TNIK: variants seen among roughly 807,000 people sequenced by gnomAD.
TNIK encodes the protein TRAF2 and NCK interacting kinase, also known as TRAF2 and NCK-interacting protein kinase.
TNIK carries 49 observed loss-of-function variants against 191.3 expected under a neutral mutation model. The ratio of observed to expected loss-of-function variants is 0.26; its 90% CI spans 0.20 to 0.32. The LOEUF is 0.32. TNIK is among the 10% of genes least tolerant of loss of function. The pLI is 1.00. For missense variants in TNIK, 1,155 were observed against 1,702.3 expected (o/e 0.68, Z 5.66); for synonymous variants, 594 against 600.9 (o/e 0.99, Z 0.17).
chr3:171,122,209 G>A lies in TNIK; in HGVS notation c.2120+1387C>T, dbSNP rs186181828. ...AATACTTAAAGTTGAAATAATACTTGATCTAAAGAAACTAAAATTCTAAGC... is the reference window on the plus strand; with the variant it reads ...AATACTTAAAGTTGAAATAATACTTAATCTAAAGAAACTAAAATTCTAAGC... On this transcript the variant is annotated intron_variant, in intron 18 of 32. Transcript: ENST00000436636. Among the ~76,000 whole-genome samples the A allele has an allele frequency of 2.2e-4, 33 of 152,294 alleles. No homozygotes were observed. The East Asian group carries it at 6.2e-3, about 28-fold the overall frequency.
At chr3:171,137,641 AG>A (rs897227922) in intron 15 of TNIK, among the ~76,000 whole-genome samples, 43 of 152,220 alleles carry the variant, frequency 2.8e-4, no homozygotes, top group Admixed American at 2.6e-3. Context: ...AAGCAAATGA[AG>A]GAAGTATGTG....
At chr3:171,139,376 G>GCACACACACACA (rs1271020696) in intron 14 of TNIK, 94 bp downstream of exon 14, 35 of 532,056 alleles carry the variant, frequency 6.6e-5, no homozygotes, top group Admixed American at 1.3e-4. Context: ...ACACGCACGC[G>GCACACACACACA]CGCACACACA....
chr3:171,325,140 A>T (rs955048580), intron 2 of TNIK, among the ~76,000 whole-genome samples: 37 of 151,946 alleles, frequency 2.4e-4, no homozygotes, highest in Non-Finnish European at 8.8e-5. Context: ...AAAGAGAAGA[A>T]CTCAGATTGG....
At chr3:171,235,768 T>TG (rs11325665) in intron 2 of TNIK, among the ~76,000 whole-genome samples, 7,027 of 146,216 alleles carry the variant, frequency 0.048, 467 homozygotes, top group African/African-American at 0.16. Context: ...TTTGTTTTGG[T>TG]GGGGGGGGGG....
intron 23 of TNIK, among the ~76,000 whole-genome samples, chr3:171,092,583 A>G (rs1722211644): frequency 6.6e-6 from 1 of 152,228 alleles, no homozygotes; most frequent in Non-Finnish European, 1.5e-5. Flanking sequence ...ACACAATGTC[A>G]ATTTCAGCAG....
At chr3:171,334,873 TTC>T (rs978604977) in intron 2 of TNIK, among the ~76,000 whole-genome samples, 5 of 91,902 alleles carry the variant, frequency 5.4e-5, no homozygotes, top group African/African-American at 1.8e-4. Context: ...CTTTATAAGT[TTC>T]TTTTTTTTTT....
At chr3:171,293,717 TTTTA>T (rs1207893847) in intron 2 of TNIK, among the ~76,000 whole-genome samples, 2 of 152,226 alleles carry the variant, frequency 1.3e-5, no homozygotes, top group Non-Finnish European at 2.9e-5. Flanking sequence ...TGATATTGTT[TTTTA>T]TTTGTGATAA....
chr3:171,152,417 A>C (rs934936266), intron 12 of TNIK, among the ~76,000 whole-genome samples: 5 of 152,236 alleles, frequency 3.3e-5, no homozygotes, highest in African/African-American at 9.6e-5. Context: ...CATTAGAAAT[A>C]TTTAAGCTGA....
intron 2 of TNIK, among the ~76,000 whole-genome samples, chr3:171,295,308 T>C (rs1204755130): frequency 6.6e-6 from 1 of 152,232 alleles, no homozygotes; most frequent in Non-Finnish European, 1.5e-5. Context: ...GAAAATTCTC[T>C]TTGTTTTATA....
At position 171,450,170 on chromosome 3, in the gene TNIK, A is replaced by G. The variant is rs550486440; in HGVS notation, c.57+9837T>C. On this transcript the variant is annotated intron_variant, in intron 1 of 32. Transcript: ENST00000436636. ...TCCCACTCAGGTTAAGATACAGCAC[A>G]TATTTCCAGCTTCTACAGGTGGCCT... 1.0e-3 allele frequency among the ~76,000 whole-genome samples: 157 copies of G among 152,302 alleles called. 1 individual carries two copies. Among genetic ancestry groups the G allele is most frequent in the African/African-American group, 3.6e-3 (150 of 41,552 alleles).
At chr3:171,342,997 G>A (rs777573896) in intron 2 of TNIK, among the ~76,000 whole-genome samples, 19 of 152,234 alleles carry the variant, frequency 1.2e-4, no homozygotes, top group Non-Finnish European at 1.9e-4. Flanking sequence ...CTCCTCCTTT[G>A]CCTTCCACCA....
intron 2 of TNIK, among the ~76,000 whole-genome samples, chr3:171,321,855 C>T (rs1400557637): frequency 2.0e-5 from 3 of 152,198 alleles, no homozygotes; most frequent in Non-Finnish European, 4.4e-5. Context: ...ACCTGTTTCA[C>T]TCCCAAACCC....
intron 24 of TNIK, among the ~76,000 whole-genome samples, chr3:171,086,365 C>T (rs1171962989): frequency 6.6e-6 from 1 of 152,178 alleles, no homozygotes; most frequent in Non-Finnish European, 1.5e-5. Flanking sequence ...TGGAAGATGT[C>T]TGTGAAAGAG....
At chr3:171,214,856 G>C (rs1741270960) in intron 3 of TNIK, among the ~76,000 whole-genome samples, 1 of 152,128 alleles carries the variant, frequency 6.6e-6, no homozygotes, top group Non-Finnish European at 1.5e-5. Flanking sequence ...AAATGATTAA[G>C]TGCTTATTTA....
chr3:171,356,543 A>G (rs1362122410), intron 2 of TNIK, among the ~76,000 whole-genome samples: 3 of 152,220 alleles, frequency 2.0e-5, no homozygotes, highest in Middle Eastern at 3.2e-3. Context: ...GCTGCTCTAT[A>G]GTATAAATTC....
intron 2 of TNIK, among the ~76,000 whole-genome samples, chr3:171,241,371 G>A (rs1273412197): frequency 2.6e-5 from 4 of 152,128 alleles, no homozygotes; most frequent in African/African-American, 4.8e-5. Context: ...AACTCTGATA[G>A]AACAAGTACT....
intron 1 of TNIK, among the ~76,000 whole-genome samples, chr3:171,395,824 T>G (rs1027966527): frequency 6.6e-6 from 1 of 152,180 alleles, no homozygotes; most frequent in Admixed American, 6.5e-5. Context: ...CGTTACCACT[T>G]GGAAATCATC....
chr3:171,364,090 C>T (rs187464883), intron 2 of TNIK, among the ~76,000 whole-genome samples: 128 of 152,244 alleles, frequency 8.4e-4, no homozygotes, highest in Non-Finnish European at 1.5e-3. Flanking sequence ...GGTCCCAGGA[C>T]CTTGAACAAC....
chr3:171,447,214 TAAAC>T (rs987335112), intron 1 of TNIK, among the ~76,000 whole-genome samples: 2 of 147,460 alleles, frequency 1.4e-5, no homozygotes, highest in East Asian at 2.0e-4. Flanking sequence ...AATAAATAAA[TAAAC>T]AAACAAACAT....
Sources: allele counts gnomAD v4.1 joint callset (sites outside exome capture counted in the v4.1 genomes callset), GRCh38; gene constraint gnomAD v4.1.1; transcripts MANE v1.5; gene names NCBI Gene and HGNC (gene_info 2026-07-23, HGNC 2026-07-21).